The following OSBPL10 variants were observed in gnomAD, a reference collection of about 807,000 sequenced individuals.
OSBPL10 encodes oxysterol-binding protein-related protein 10.
OSBPL10 carries 49 observed loss-of-function variants against 81.7 expected under a neutral mutation model. The observed-to-expected ratio is 0.60, with a 90% CI of 0.48 to 0.76. The LOEUF (loss-of-function observed/expected upper bound fraction) is 0.76. OSBPL10 is among the 30% of genes least tolerant of loss of function. The pLI is 0.00. For synonymous variants in OSBPL10, 419 were observed against 383.6 expected (o/e 1.09, Z -1.08); for missense variants, 923 against 987.8 (o/e 0.93, Z 0.88).
Position 31,664,508 on chromosome 3 carries a change from G to A in OSBPL10, c.2097-276C>T. 5.5e-6 allele frequency: 3 copies of A among 545,962 alleles called. No individual in the cohort carries two copies. The South Asian group carries it at 6.8e-5, about 12-fold the overall frequency. The allele number at this position is 545,962 out of a possible 1,614,324, so 33.8% of individuals were successfully genotyped here. A position where few individuals can be genotyped will look rare whatever the true frequency, so the allele number is the denominator to read the frequency against. On this transcript the variant is annotated intron_variant, in intron 10 of 11. Transcript: ENST00000396556. ...GAATCAAATCTAATAGTAGTAGTTGGCATTCTGCTACTACTACAAACAACG... is the reference window on the plus strand; with the variant it reads ...GAATCAAATCTAATAGTAGTAGTTGACATTCTGCTACTACTACAAACAACG...
At chr3:31,888,831 G>A (rs1695811361) in intron 1 of OSBPL10, among the ~76,000 whole-genome samples, 1 of 152,124 alleles carries the variant, frequency 6.6e-6, no homozygotes. Context: ...AGCTGAGGCA[G>A]GAGAATCACT....
intron 2 of OSBPL10, among the ~76,000 whole-genome samples, chr3:32,023,561 C>T (rs1184424367): frequency 6.6e-6 from 1 of 152,164 alleles, no homozygotes; most frequent in African/African-American, 2.4e-5. Context: ...TCTTTATTTC[C>T]ATGCTTGGGC....
intron 2 of OSBPL10, 107 bp from the exon 3 acceptor site, chr3:31,876,619 G>C: frequency 1.1e-6 from 1 of 879,056 alleles, no homozygotes; most frequent in Admixed American, 2.0e-5. Context: ...GGGAGTGAGA[G>C]GTAGCAAGAA....
intron 4 of OSBPL10, among the ~76,000 whole-genome samples, chr3:31,776,035 G>T (rs1015328717): frequency 2.6e-5 from 4 of 152,084 alleles, no homozygotes; most frequent in African/African-American, 9.7e-5. Flanking sequence ...AGTCAGGAGG[G>T]TGCAATGATC....
intron 3 of OSBPL10, among the ~76,000 whole-genome samples, chr3:31,839,693 A>T (rs994820655): frequency 6.6e-6 from 1 of 151,852 alleles, no homozygotes; most frequent in Non-Finnish European, 1.5e-5. Context: ...GTGAGAGTTC[A>T]CTTGGTGTGT....
At chr3:31,794,219 A>T (rs543242644) in intron 4 of OSBPL10, among the ~76,000 whole-genome samples, 1 of 152,316 alleles carries the variant, frequency 6.6e-6, no homozygotes, top group Non-Finnish European at 1.5e-5. Context: ...ATCTCACCTC[A>T]CTGTAACCTC....
intron 1 of OSBPL10, among the ~76,000 whole-genome samples, chr3:31,925,381 A>G (rs1697042714): frequency 6.6e-6 from 1 of 152,102 alleles, no homozygotes; most frequent in South Asian, 2.1e-4. Flanking sequence ...AAGTACTCTG[A>G]CAATATAAGA....
intron 1 of OSBPL10, among the ~76,000 whole-genome samples, chr3:31,939,712 A>T (rs1697483600): frequency 1.3e-5 from 2 of 152,114 alleles, no homozygotes; most frequent in Non-Finnish European, 2.9e-5. Flanking sequence ...TGAGCCCTCA[A>T]TTCATGCACA....
chr3:31,922,617 T>TA (rs1298633605), intron 1 of OSBPL10, among the ~76,000 whole-genome samples: 28 of 148,338 alleles, frequency 1.9e-4, no homozygotes, highest in African/African-American at 3.0e-4. Context: ...AAACTCCATC[T>TA]AAAAAAAAAA....
At chr3:32,049,441 T>C (rs1040139431) in intron 1 of OSBPL10, among the ~76,000 whole-genome samples, 1 of 152,088 alleles carries the variant, frequency 6.6e-6, no homozygotes, top group Non-Finnish European at 1.5e-5. Flanking sequence ...AAGGATAGGA[T>C]TGGGTTAGAG....
chr3:31,748,396 G>A (rs553196557), intron 4 of OSBPL10, among the ~76,000 whole-genome samples: 33 of 152,146 alleles, frequency 2.2e-4, no homozygotes, highest in Non-Finnish European at 4.3e-4. Flanking sequence ...ATCTTCTGGA[G>A]GTAAGTCAAT....
intron 3 of OSBPL10, among the ~76,000 whole-genome samples, chr3:31,845,669 G>A (rs1198953769): frequency 6.6e-6 from 1 of 152,104 alleles, no homozygotes; most frequent in Non-Finnish European, 1.5e-5. Flanking sequence ...ATGAGCCCCA[G>A]ACAGCACACA....
chr3:32,030,149 A>C (rs1474822641), intron 2 of OSBPL10: 2 of 206,856 alleles, frequency 9.7e-6, no homozygotes, highest in Non-Finnish European at 2.0e-5. Context: ...TAAAAATTTT[A>C]CTGCTTCCTT....
intron 3 of OSBPL10, among the ~76,000 whole-genome samples, chr3:31,849,880 T>A (rs1437937514): frequency 6.6e-6 from 1 of 151,558 alleles, no homozygotes; most frequent in Non-Finnish European, 1.5e-5. Context: ...TCTACAAAAA[T>A]TTAGCCAGGC....
intron 1 of OSBPL10, among the ~76,000 whole-genome samples, chr3:31,885,828 C>CAA (rs34871532): frequency 0.22 from 26,391 of 122,374 alleles, 2,879 homozygotes; most frequent in East Asian, 0.43. Flanking sequence ...ACTAAAAATA[C>CAA]AAAAAAAAAA....
chr3:31,672,619 TGCC>T (rs1700353771), intron 8 of OSBPL10, among the ~76,000 whole-genome samples: 1 of 152,182 alleles, frequency 6.6e-6, no homozygotes, highest in Non-Finnish European at 1.5e-5. Flanking sequence ...TTCCTCTAAT[TGCC>T]CATGCACTAT....
intron 8 of OSBPL10, among the ~76,000 whole-genome samples, chr3:31,678,260 C>CT (rs1192668159): frequency 2.0e-5 from 3 of 152,052 alleles, no homozygotes; most frequent in African/African-American, 7.2e-5. Context: ...AGTGAAACGG[C>CT]TAGAGACACC....
At chr3:32,009,680 A>G (rs1699234080) in intron 2 of OSBPL10, among the ~76,000 whole-genome samples, 1 of 152,216 alleles carries the variant, frequency 6.6e-6, no homozygotes. Flanking sequence ...CCACATGAGA[A>G]GTTCTGGGTT....
intron 4 of OSBPL10, among the ~76,000 whole-genome samples, chr3:31,750,468 G>GA (rs1463911524): frequency 6.6e-6 from 1 of 152,134 alleles, no homozygotes; most frequent in Non-Finnish European, 1.5e-5. Flanking sequence ...AATACTTGAT[G>GA]AACATAATAT....
Sources: allele counts gnomAD v4.1 joint callset (sites outside exome capture counted in the v4.1 genomes callset), GRCh38; gene constraint gnomAD v4.1.1; transcripts MANE v1.5; gene names NCBI Gene and HGNC (gene_info 2026-07-23, HGNC 2026-07-21).